The following FGF13 variants were observed in gnomAD, a reference collection of about 807,000 sequenced individuals.
FGF13 encodes fibroblast growth factor homologous factor 2.
FGF13 carries 2 observed loss-of-function variants against 19.5 expected under a neutral mutation model. That is an observed-to-expected ratio of 0.10 (90% CI 0.04 to 0.32). FGF13 has a LOEUF of 0.32. Ranked by LOEUF, FGF13 falls within the 10% of genes least tolerant of loss-of-function variation. FGF13 has a pLI of 1.00. For synonymous variants in FGF13, 72 were observed against 76.9 expected, an observed-to-expected ratio of 0.94 and a Z score of 0.33; for missense variants, 113 against 192.7, an observed-to-expected ratio of 0.59 and a Z score of 2.45.
chrX:139,073,100 ATTGTT>A (rs773843979), intron 1 of FGF13, among the ~76,000 whole-genome samples: 54 of 103,824 alleles, frequency 5.2e-4, no homozygotes, highest in Admixed American at 3.0e-3. Context: ...GTTTCATTGT[ATTGTT>A]TTATTTTTTC....
At position 138,657,553 on chromosome X, in the gene FGF13, C is replaced by T. The variant is rs140982193; in HGVS notation, c.403-21898G>A. On this transcript the variant is annotated intron_variant, in intron 3 of 4. Transcript: ENST00000315930. ...TTGAAACTATTTTGAAATTTTGACA[C>T]AATATTATACAATCATATTGCATGT... Among the ~76,000 whole-genome samples, 5 of 111,994 alleles carry T rather than the reference C, an allele frequency of 4.5e-5. No homozygotes were observed. The East Asian group carries it at 1.1e-3, about 25-fold the overall frequency.
At chrX:139,112,415 C>T (rs1039255367) in intron 1 of FGF13, among the ~76,000 whole-genome samples, 1 of 111,734 alleles carries the variant, frequency 8.9e-6, no homozygotes, top group African/African-American at 3.3e-5. Flanking sequence ...ATACAATTGA[C>T]TCATTTAAAA....
chrX:138,988,907 G>A (rs776900903), intron 1 of FGF13, among the ~76,000 whole-genome samples: 2 of 111,252 alleles, frequency 1.8e-5, no homozygotes, highest in African/African-American at 6.5e-5. Flanking sequence ...CTCAACACTA[G>A]GAAATATATA....
At chrX:138,753,259 C>T (rs961978412) in intron 3 of FGF13, among the ~76,000 whole-genome samples, 6 of 112,044 alleles carry the variant, frequency 5.4e-5, no homozygotes, top group Admixed American at 2.8e-4. Context: ...ATCTGGAGTG[C>T]TGTGTTTTTC....
chrX:138,979,316 G>A (rs2091953696), intron 1 of FGF13, among the ~76,000 whole-genome samples: 1 of 111,501 alleles, frequency 9.0e-6, no homozygotes, highest in African/African-American at 3.3e-5. Context: ...AACAAGCATT[G>A]GTACCTGGGA....
intron 1 of FGF13, among the ~76,000 whole-genome samples, chrX:138,911,309 G>A (rs919443696): frequency 9.0e-6 from 1 of 110,749 alleles, no homozygotes. Flanking sequence ...CATGTCCTTT[G>A]CAGGGACATG....
chrX:138,952,856 T>C (rs1283127862), intron 1 of FGF13, among the ~76,000 whole-genome samples: 1 of 110,630 alleles, frequency 9.0e-6, no homozygotes, highest in Non-Finnish European at 1.9e-5. Flanking sequence ...ATCAGAGAAA[T>C]GCAAATCAAA....
At chrX:139,112,472 G>A (rs1229635314) in intron 1 of FGF13, among the ~76,000 whole-genome samples, 1 of 111,407 alleles carries the variant, frequency 9.0e-6, no homozygotes. Context: ...TCACAGCTGG[G>A]AAACCATCAC....
At chrX:138,973,288 A>T (rs1162685483) in intron 1 of FGF13, among the ~76,000 whole-genome samples, 2 of 111,928 alleles carry the variant, frequency 1.8e-5, no homozygotes, top group Non-Finnish European at 3.8e-5. Context: ...TTTAATTTCT[A>T]TGTATTTGTA....
rs149764927 is a variant in FGF13 at position 138,637,341 on chromosome X, T to C, written c.403-1686A>G. ...TGAGGACAAGTACATAGAACGTTGC[T>C]GAAATTCTTTGGGAATTAAATCACT... On this transcript the variant is annotated intron_variant, in intron 3 of 4. Transcript: ENST00000315930. Among the ~76,000 whole-genome samples the C allele has an allele frequency of 5.1e-3, 575 of 112,686 alleles. 6 individuals are homozygous for C. Among genetic ancestry groups the C allele is most frequent in the African/African-American group, 0.018 (548 of 31,041 alleles).
In FGF13 at chrX:139,159,655, CAAAAA is replaced by C. The variant is rs550001786; in HGVS notation, c.-113+43756_-113+43760del. ...GAATATTTACCAAGCAAAGAGAAAG[CAAAAA>C]AAAAAAAAAAAACAGTGTGGGTTAT... On this transcript the variant is annotated intron_variant, in intron 1 of 2. Coordinates refer to the FGF13 transcript ENST00000421460. Among the ~76,000 whole-genome samples the C allele has an allele frequency of 2.2e-3, 113 of 51,648 alleles. 3 individuals are homozygous for C. Among genetic ancestry groups the C allele is most frequent in the African/African-American group, 8.0e-3 (106 of 13,284 alleles). 44.9% of individuals were successfully genotyped at this position (51,648 alleles called of 115,157 possible).
chrX:139,095,110 T>G (rs1032254746), intron 1 of FGF13, among the ~76,000 whole-genome samples: 4 of 112,356 alleles, frequency 3.6e-5, no homozygotes, highest in African/African-American at 1.3e-4. Context: ...CTGCCTCTTC[T>G]TTAATTGAGG....
In FGF13 at chrX:138,771,290, C is replaced by G. The variant is rs768160212; in HGVS notation, c.218-62362G>C. 2.7e-5 allele frequency among the ~76,000 whole-genome samples: 3 copies of G among 111,555 alleles called. No homozygotes were observed. In the East Asian group the frequency reaches 8.5e-4, roughly 32 times the overall value. ...TGAAGACAATTCGGCAGGATTCCCA[C>G]TATGATGAAACAAGTTAAAATTGGT... is the stretch of plus-strand genomic sequence containing the variant. On this transcript the variant is annotated intron_variant, in intron 3 of 6. Coordinates refer to the FGF13 transcript ENST00000436198.
chrX:139,183,167 T>C (rs1192770671), intron 1 of FGF13, among the ~76,000 whole-genome samples: 2 of 112,219 alleles, frequency 1.8e-5, no homozygotes, highest in Non-Finnish European at 3.8e-5. Context: ...CACCATTGGC[T>C]GGCAGGACAC....
At chrX:139,162,804 C>A (rs7065174) in intron 1 of FGF13, among the ~76,000 whole-genome samples, 12,802 of 112,109 alleles carry the variant, frequency 0.11, 1,183 homozygotes, top group African/African-American at 0.32. Flanking sequence ...TTCATCATCA[C>A]TGGTCATTGG....
chrX:138,897,945 C>T (rs1281555400), intron 1 of FGF13, among the ~76,000 whole-genome samples: 2 of 111,388 alleles, frequency 1.8e-5, no homozygotes, highest in East Asian at 5.7e-4. Context: ...CTCTCACAAA[C>T]ACCTCATGGA....
chrX:138,704,669 C>T (rs750754908), intron 2 of FGF13, among the ~76,000 whole-genome samples: 9 of 112,126 alleles, frequency 8.0e-5, no homozygotes, highest in Middle Eastern at 4.6e-3. Flanking sequence ...TCCTTTAAAA[C>T]CAGGGTGTTA....
intron 1 of FGF13, among the ~76,000 whole-genome samples, chrX:138,985,481 G>T (rs1231969693): frequency 8.9e-6 from 1 of 111,887 alleles, no homozygotes; most frequent in African/African-American, 3.2e-5. Context: ...TTATTACAGA[G>T]ATTAAAAATA....
At chrX:138,898,421 T>C (rs907517631) in intron 1 of FGF13, among the ~76,000 whole-genome samples, 1 of 112,090 alleles carries the variant, frequency 8.9e-6, no homozygotes, top group African/African-American at 3.2e-5. Context: ...ATATGTGGAT[T>C]CAATGGATGC....
Sources: gnomAD v4.1 joint callset for allele counts (sites outside exome capture counted in the v4.1 genomes callset) on GRCh38, gnomAD v4.1.1 for gene constraint, MANE v1.5 for transcripts, NCBI Gene and HGNC (gene_info 2026-07-23, HGNC 2026-07-21) for gene names.